The following PCDH9 variants were observed in gnomAD, a reference collection of about 807,000 sequenced individuals.
PCDH9 encodes the protein protocadherin 9.
In PCDH9, 24 loss-of-function variants were observed where a neutral mutation model predicts 70.6. The ratio of observed to expected loss-of-function variants is 0.34; its 90% CI spans 0.25 to 0.48. The LOEUF is 0.48. Ranked by LOEUF, PCDH9 falls within the 20% of genes least tolerant of loss-of-function variation. The pLI is 0.99. For missense variants in PCDH9, 1,281 were observed against 1,503.6 expected, an observed-to-expected ratio of 0.85 and a Z score of 2.45; for synonymous variants, 562 against 558.5, an observed-to-expected ratio of 1.01 and a Z score of -0.09.
chr13:66,812,576 G>T (rs951257192), intron 3 of PCDH9, among the ~76,000 whole-genome samples: 1 of 152,172 alleles, frequency 6.6e-6, no homozygotes, highest in Admixed American at 6.5e-5. Flanking sequence ...CTAGGGCACT[G>T]TTGGAGCCTG....
chr13:66,422,010 TC>T (rs1957577046), intron 4 of PCDH9, among the ~76,000 whole-genome samples: 1 of 152,102 alleles, frequency 6.6e-6, no homozygotes, highest in African/African-American at 2.4e-5. Flanking sequence ...GGGGTTGCAA[TC>T]CTAGTGTCTG....
At chr13:66,502,188 A>G (rs372599722) in intron 4 of PCDH9, among the ~76,000 whole-genome samples, 7 of 152,290 alleles carry the variant, frequency 4.6e-5, no homozygotes, top group African/African-American at 1.7e-4. Context: ...AAACAAAGTA[A>G]AGTATTTTTT....
intron 3 of PCDH9, among the ~76,000 whole-genome samples, chr13:66,789,696 G>T (rs2080134176): frequency 6.6e-6 from 1 of 151,890 alleles, no homozygotes; most frequent in Non-Finnish European, 1.5e-5. Flanking sequence ...ATGCTCTGTT[G>T]GTCTTACTAA....
chr13:67,036,985 T>C (rs1254954209), intron 2 of PCDH9, among the ~76,000 whole-genome samples: 1 of 152,186 alleles, frequency 6.6e-6, no homozygotes, highest in African/African-American at 2.4e-5. Flanking sequence ...AACTATATTA[T>C]GGGTTGTAAA....
At chr13:66,446,825 G>A (rs3843947) in intron 4 of PCDH9, among the ~76,000 whole-genome samples, 69,384 of 151,782 alleles carry the variant, frequency 0.46, 17,258 homozygotes, top group East Asian at 0.65. Context: ...TTATTCTAAC[G>A]TCCAGTCATA....
intron 4 of PCDH9, among the ~76,000 whole-genome samples, chr13:66,541,806 T>C (rs1019640140): frequency 2.6e-5 from 4 of 152,208 alleles, no homozygotes; most frequent in Non-Finnish European, 5.9e-5. Flanking sequence ...ACAGAGTAGA[T>C]ACTCAGTTAT....
At chr13:67,187,983 G>A (rs140703391) in intron 2 of PCDH9, among the ~76,000 whole-genome samples, 2 of 152,152 alleles carry the variant, frequency 1.3e-5, no homozygotes, top group African/African-American at 4.8e-5. Context: ...ACCCTGTACT[G>A]TAATCATTGT....
intron 2 of PCDH9, chr13:67,224,339 T>C (rs1224557825): frequency 1.3e-5 from 2 of 152,188 alleles, no homozygotes; most frequent in Non-Finnish European, 2.9e-5. Context: ...AAGGTATCTT[T>C]GGCTGTACTA....
intron 3 of PCDH9, among the ~76,000 whole-genome samples, chr13:66,751,166 G>T (rs574385957): frequency 6.4e-4 from 97 of 151,886 alleles, no homozygotes; most frequent in African/African-American, 2.2e-3. Flanking sequence ...AACAACATAC[G>T]TACCTTGCAA....
chr13:66,527,988 A>T (rs1159772761), intron 4 of PCDH9, among the ~76,000 whole-genome samples: 1 of 152,204 alleles, frequency 6.6e-6, no homozygotes, highest in Non-Finnish European at 1.5e-5. Context: ...ACTGCACTCC[A>T]GCCTGGGTGA....
chr13:66,938,938 T>C (rs540443937), intron 2 of PCDH9, among the ~76,000 whole-genome samples: 32 of 152,158 alleles, frequency 2.1e-4, no homozygotes, highest in Non-Finnish European at 4.7e-4. Context: ...TGTAATTTAA[T>C]TTCAGAATTG....
At chr13:67,228,947 C>CT (rs2089948843) in intron 1 of PCDH9, among the ~76,000 whole-genome samples, 1 of 152,218 alleles carries the variant, frequency 6.6e-6, no homozygotes, top group South Asian at 2.1e-4. Context: ...GTGAAAAACA[C>CT]TAAGTATTTA....
chr13:66,716,861 C>G (rs1270950473), intron 3 of PCDH9, among the ~76,000 whole-genome samples: 4 of 152,090 alleles, frequency 2.6e-5, no homozygotes, highest in Non-Finnish European at 5.9e-5. Context: ...GAAGCCAGAA[C>G]AAAGTGTCCA....
At chr13:67,161,189 A>C (rs1353010653) in intron 2 of PCDH9, among the ~76,000 whole-genome samples, 1 of 152,212 alleles carries the variant, frequency 6.6e-6, no homozygotes, top group Non-Finnish European at 1.5e-5. Flanking sequence ...AATTCTCTTT[A>C]ATTTTACTTC....
chr13:66,558,933 T>C (rs931521454), intron 4 of PCDH9, among the ~76,000 whole-genome samples: 6 of 152,114 alleles, frequency 3.9e-5, no homozygotes, highest in Non-Finnish European at 7.4e-5. Flanking sequence ...GTCAATGAAG[T>C]GAGACATAAT....
In PCDH9 at chr13:66,518,523, G is replaced by T. The variant is rs183227020; in HGVS notation, c.3340+112687C>A. Among the ~76,000 whole-genome samples, 276 of 152,190 alleles carry T rather than the reference G, an allele frequency of 1.8e-3. 2 individuals are homozygous for T. The highest frequency in any genetic ancestry group is 6.4e-3 in the African/African-American group (267 of 41,520). On this transcript the variant is annotated intron_variant, in intron 4 of 4. Coordinates refer to ENST00000377865, the MANE Select transcript of PCDH9 (RefSeq NM_203487.3). ...AACTCCTCCTCCTCGATAAAATTTG[G>T]ATTTGAATATTATGAAAGCACACTT...
At chr13:66,373,762 A>T (rs1375363247) in intron 4 of PCDH9, among the ~76,000 whole-genome samples, 3 of 152,116 alleles carry the variant, frequency 2.0e-5, no homozygotes, top group Non-Finnish European at 4.4e-5. Flanking sequence ...TAATTGTTGG[A>T]TCCTGTCAAA....
intron 4 of PCDH9, among the ~76,000 whole-genome samples, chr13:66,360,310 T>C (rs984222313): frequency 6.6e-6 from 1 of 152,118 alleles, no homozygotes; most frequent in African/African-American, 2.4e-5. Flanking sequence ...AATAACAAAC[T>C]GTCCACATCC....
intron 2 of PCDH9, among the ~76,000 whole-genome samples, chr13:67,035,747 G>A (rs1224304470): frequency 6.6e-6 from 1 of 151,960 alleles, no homozygotes; most frequent in Non-Finnish European, 1.5e-5. Context: ...AAGCTGAAAA[G>A]ATAAATATAA....
Sources: allele counts gnomAD v4.1 joint callset (sites outside exome capture counted in the v4.1 genomes callset), GRCh38; gene constraint gnomAD v4.1.1; transcripts MANE v1.5; gene names NCBI Gene and HGNC (gene_info 2026-07-23, HGNC 2026-07-21).